PLEKHA5: variants seen among roughly 807,000 people sequenced by gnomAD.
The protein encoded by PLEKHA5 is pleckstrin homology domain-containing family A member 5.
A neutral mutation model predicts 181.9 loss-of-function variants in PLEKHA5; 55 were observed. The observed-to-expected ratio is 0.30, with a 90% CI of 0.24 to 0.38. PLEKHA5 has a LOEUF of 0.38. Ranked by LOEUF, PLEKHA5 falls within the 10% of genes least tolerant of loss-of-function variation. PLEKHA5 has a pLI of 1.00. For synonymous variants in PLEKHA5, 535 were observed against 529.4 expected (o/e 1.01, Z -0.15); for missense variants, 1,432 against 1,549.5 (o/e 0.92, Z 1.27).
At chr12:19,315,035 A>G (rs1235927727) in intron 16 of PLEKHA5, 141 bp downstream of exon 16, 1 of 623,940 alleles carries the variant, frequency 1.6e-6, no homozygotes, top group Non-Finnish European at 2.9e-6. Context: ...GGAAAACCAC[A>G]ATTCATCCAT....
chr12:19,156,132 C>T (rs947959462), intron 3 of PLEKHA5, among the ~76,000 whole-genome samples: 6 of 151,842 alleles, frequency 4.0e-5, no homozygotes, highest in Non-Finnish European at 5.9e-5. Flanking sequence ...TTGCAGGGAC[C>T]GCCCTGGAGT....
chr12:19,314,687 GGTAAAA>G, intron 15 of PLEKHA5, 121 bp from the exon 16 acceptor site: 1 of 685,088 alleles, frequency 1.5e-6, no homozygotes, highest in South Asian at 1.5e-5. Flanking sequence ...ACAACCATGG[GGTAAAA>G]TGTAAACAAC....
chr12:19,373,180 G>C (rs1264178020), intron 31 of PLEKHA5: 1 of 152,160 alleles, frequency 6.6e-6, no homozygotes, highest in African/African-American at 2.4e-5. Flanking sequence ...GGGAGTTCAG[G>C]ACCAGCCTGG....
At chr12:19,280,336 T>G (rs966067473) in intron 11 of PLEKHA5, among the ~76,000 whole-genome samples, 4 of 152,126 alleles carry the variant, frequency 2.6e-5, no homozygotes, top group Admixed American at 2.6e-4. Flanking sequence ...GCACCCAGCC[T>G]GAAATCTTTT....
intron 3 of PLEKHA5, among the ~76,000 whole-genome samples, chr12:19,139,430 A>G (rs1195002704): frequency 6.6e-6 from 1 of 152,176 alleles, no homozygotes; most frequent in African/African-American, 2.4e-5. Context: ...CCACTCCCCT[A>G]TCCTATCTCA....
intron 18 of PLEKHA5, among the ~76,000 whole-genome samples, chr12:19,321,876 G>A (rs2090965253): frequency 2.0e-5 from 3 of 151,976 alleles, no homozygotes; most frequent in Admixed American, 2.0e-4. Flanking sequence ...CTGGTTTATT[G>A]TACTATTGAA....
rs547590075 is a variant in PLEKHA5, at chr12:19,131,723, A to G, written c.170-670A>G. On this transcript the variant is annotated intron_variant, in intron 2 of 31. Coordinates refer to ENST00000429027, the MANE Select transcript of PLEKHA5 (RefSeq NM_001256470.2). ...TACTTTGCTTGGACTCTGGTTTTGT[A>G]CACACATCGGTTGTTTTTACTTCCA... 2.6e-5 allele frequency among the ~76,000 whole-genome samples: 4 copies of G among 151,482 alleles called. No individual in the cohort carries two copies. In the South Asian group the frequency reaches 8.3e-4, roughly 32 times the overall value.
chr12:19,173,969 A>G (rs2046605710), intron 3 of PLEKHA5, among the ~76,000 whole-genome samples: 1 of 152,220 alleles, frequency 6.6e-6, no homozygotes, highest in South Asian at 2.1e-4. Context: ...TTCCACCTAC[A>G]TAATTTGTGT....
intron 3 of PLEKHA5, among the ~76,000 whole-genome samples, chr12:19,158,377 AC>A (rs2042252264): frequency 1.3e-5 from 2 of 152,262 alleles, no homozygotes; most frequent in South Asian, 4.1e-4. Flanking sequence ...AAGTTTATAA[AC>A]TTAGATTTAA....
chr12:19,239,517 A>G (rs968280161), intron 3 of PLEKHA5, among the ~76,000 whole-genome samples: 3 of 152,186 alleles, frequency 2.0e-5, no homozygotes, highest in Admixed American at 2.0e-4. Context: ...AACTGAACCT[A>G]AATTAGGTGT....
At chr12:19,248,482 T>C (rs1157681651) in intron 3 of PLEKHA5, among the ~76,000 whole-genome samples, 1 of 151,996 alleles carries the variant, frequency 6.6e-6, no homozygotes, top group Non-Finnish European at 1.5e-5. Flanking sequence ...ACAGGCTTAA[T>C]ACCATATTTT....
chr12:19,170,152 C>G (rs911982104), intron 3 of PLEKHA5, among the ~76,000 whole-genome samples: 8 of 152,176 alleles, frequency 5.3e-5, no homozygotes, highest in Admixed American at 4.6e-4. Flanking sequence ...GTAGAAACCC[C>G]AATCCCAGTA....
rs1473633844 is a variant in PLEKHA5, at chr12:19,130,444, G to A, written c.169+314G>A. ...CTAGAGTGGCGACGCTCCCCTCCCT[G>A]AAACCTGGAGTCCTGAGTTTTTCCT... is the stretch of plus-strand genomic sequence containing the variant. On this transcript the variant is annotated intron_variant, in intron 2 of 31. Coordinates refer to ENST00000429027, the MANE Select transcript of PLEKHA5 (RefSeq NM_001256470.2). The surrounding 1 kb of genome is among the most constrained non-coding windows in gnomAD (Gnocchi z 4.5). Among the ~76,000 whole-genome samples, 13 of 151,566 alleles carry A rather than the reference G, an allele frequency of 8.6e-5. No homozygotes were observed. The highest frequency in any genetic ancestry group is 8.5e-4 in the Admixed American group (13 of 15,220).
At chr12:19,336,705 C>T (rs2093452661) in intron 21 of PLEKHA5, 89 bp downstream of exon 21, 1 of 688,542 alleles carries the variant, frequency 1.5e-6, no homozygotes, top group Admixed American at 3.0e-5. Flanking sequence ...ATACCCATAA[C>T]AGTTTTTACA....
intron 3 of PLEKHA5, among the ~76,000 whole-genome samples, chr12:19,208,061 C>CT (rs1338054700): frequency 6.6e-6 from 1 of 152,094 alleles, no homozygotes; most frequent in African/African-American, 2.4e-5. Flanking sequence ...AGAACCTACT[C>CT]TCATACTCTA....
At position 19,353,937 on chromosome 12, in the gene PLEKHA5, G is replaced by T; in HGVS notation, c.3073G>T (p.Glu1025Ter). 6.2e-7 allele frequency: 1 copy of T among 1,611,686 alleles called. No homozygotes were observed. Among genetic ancestry groups the T allele is most frequent in the Non-Finnish European group, 8.5e-7 (1 of 1,177,988 alleles). ...VPPRAKSPTP[E>*]SSTIASYVTL... ...TCCAAGAGCAAAATCACCAACACCC[G>T]AATCTTCGACAATAGCTTCCTATGT... is the stretch of plus-strand genomic sequence containing the variant. The change falls in exon 26 of 32, where the codon GAA (glutamate) becomes TAA (stop). Residue 1025 changes from glutamate (E) to a stop codon, truncating the protein, a stop_gained. Transcript: ENST00000429027. LOFTEE classifies it high-confidence loss of function.
chr12:19,143,725 G>A (rs1368126574), intron 3 of PLEKHA5, among the ~76,000 whole-genome samples: 1 of 151,922 alleles, frequency 6.6e-6, no homozygotes, highest in Non-Finnish European at 1.5e-5. Flanking sequence ...AAAGATTTGA[G>A]TCTTATTGCT....
chr12:19,351,799 C>T (rs1038875625), intron 25 of PLEKHA5, among the ~76,000 whole-genome samples: 10 of 151,928 alleles, frequency 6.6e-5, no homozygotes, highest in South Asian at 2.1e-4. Context: ...CAAGGCAGGG[C>T]GCAGTGGCTC....
intron 3 of PLEKHA5, chr12:19,152,682 T>G (rs925425662): frequency 5.3e-5 from 8 of 152,168 alleles, no homozygotes; most frequent in Non-Finnish European, 1.0e-4. Context: ...AAATGCCAAA[T>G]GAATATAACA....
Sources: allele counts gnomAD v4.1 joint callset (sites outside exome capture counted in the v4.1 genomes callset), GRCh38; gene constraint gnomAD v4.1.1; non-coding constraint Gnocchi (gnomAD v3.1); transcripts MANE v1.5; gene names NCBI Gene and HGNC (gene_info 2026-07-23, HGNC 2026-07-21).